The following RTTN variants were observed in gnomAD, a reference collection of about 807,000 sequenced individuals.
RTTN encodes the protein rotatin.
RTTN carries 182 observed loss-of-function variants against 269.2 expected under a neutral mutation model. The ratio of observed to expected loss-of-function variants is 0.68; its 90% CI spans 0.60 to 0.76. The LOEUF (loss-of-function observed/expected upper bound fraction) is 0.76, where lower values mean the gene tolerates loss of function less well. Among genes scored for constraint, RTTN ranks in the 30% least tolerant of loss-of-function variants. RTTN has a pLI of 0.00. For synonymous variants in RTTN, 1,006 were observed against 963.5 expected, an observed-to-expected ratio of 1.04 and a Z score of -0.82; for missense variants, 2,545 against 2,608.6, an observed-to-expected ratio of 0.98 and a Z score of 0.53.
chr18:70,124,369 A>T (rs1354931048), intron 25 of RTTN, among the ~76,000 whole-genome samples: 1 of 152,078 alleles, frequency 6.6e-6, no homozygotes, highest in Non-Finnish European at 1.5e-5. Context: ...AATGTAATAA[A>T]CCCAAGGCAC....
Position 70,109,706 on chromosome 18 carries a change from T to A in RTTN, c.3695A>T (p.Glu1232Val), listed in dbSNP as rs768255884. 1.9e-6 allele frequency: 3 copies of A among 1,613,792 alleles called. No individual in the cohort carries two copies. Among genetic ancestry groups the A allele is most frequent in the Non-Finnish European group, 2.5e-6 (3 of 1,179,930 alleles). The change falls in exon 28 of 49, where the codon GAA becomes GTA. Residue 1232 changes from glutamate (E) to valine (V), a missense_variant. Transcript: ENST00000640769. ...CTGCGTTTGAAAAACGTAAAGAAGT[T>A]CCGAGCATTTCCTATGTATGCAAAA... ...FMEVTDRKCS[E>V]LLYVFQTQLA... is the part of the protein sequence containing the mutation.
chr18:70,004,030 G>C lies in RTTN; in HGVS notation c.*121C>G, dbSNP rs553354025. The C allele has an allele frequency of 1.6e-4, 109 of 661,236 alleles. No individual in the cohort carries two copies. The African/African-American group carries it at 1.8e-3, about 11-fold the overall frequency. 41.0% of individuals were successfully genotyped at this position (661,236 alleles called of 1,614,324 possible). A position where few individuals can be genotyped will look rare whatever the true frequency, so the allele number is the denominator to read the frequency against. The stretch of plus-strand genomic sequence containing the variant: ...AGTTCTCTCTCTCATGGGAAAGAAG[G>C]GGATCAACACTTTGTAGAGAGGTAG... On this transcript the variant is annotated 3_prime_UTR_variant, in exon 49 of 49. Coordinates refer to ENST00000640769, the MANE Select transcript of RTTN (RefSeq NM_173630.4).
At chr18:70,016,409 TG>T (rs2056539363) in intron 46 of RTTN, among the ~76,000 whole-genome samples, 1 of 151,932 alleles carries the variant, frequency 6.6e-6, no homozygotes. Flanking sequence ...CCAAGAAGAG[TG>T]GGCTTCTTTT....
intron 14 of RTTN, 121 bp from the exon 15 acceptor site, chr18:70,150,854 T>A: frequency 1.5e-6 from 1 of 673,432 alleles, no homozygotes. Context: ...AAACTTTTTT[T>A]AACAAGACAG....
chr18:70,097,764 A>T (rs181343341), intron 28 of RTTN, among the ~76,000 whole-genome samples: 1 of 152,330 alleles, frequency 6.6e-6, no homozygotes, highest in East Asian at 1.9e-4. Flanking sequence ...CTTTTTGCCT[A>T]CACTTCTTAC....
intron 14 of RTTN, among the ~76,000 whole-genome samples, chr18:70,162,749 G>A (rs1406587208): frequency 6.6e-6 from 1 of 151,830 alleles, no homozygotes; most frequent in Non-Finnish European, 1.5e-5. Context: ...ATCAGAGGGT[G>A]AGGATCAAAA....
Position 70,005,200 on chromosome 18 carries a change from T to G in RTTN, c.6593A>C (p.Lys2198Thr). The G allele has an allele frequency of 6.2e-7, 1 of 1,606,440 alleles. No homozygotes were observed. The change falls in exon 48 of 49, where the codon AAA becomes ACA. Residue 2198 changes from lysine (K) to threonine (T), a missense_variant and splice_region_variant. By Grantham distance (78) the Lys-to-Thr change is moderately conservative (BLOSUM62 -1). Coordinates refer to ENST00000640769, the MANE Select transcript of RTTN (RefSeq NM_173630.4). ...ATCTCTTTCTTATTGCAACTTACTT[T>G]TCTTTGCTAAGGAGTATGCTTCATC... ...RVDEAYSLAKKTFPNSEANPL... is the reference protein window; with the variant it reads ...RVDEAYSLAKTTFPNSEANPL...
Position 70,059,879 on chromosome 18 carries a change from T to C in RTTN, c.4911A>G (p.Arg1637=). 1.2e-6 allele frequency: 2 copies of C among 1,610,580 alleles called. No individual in the cohort carries two copies. The highest frequency in any genetic ancestry group is 1.3e-5 in the African/African-American group (1 of 74,892). ...IAPRDTAKAF[R]QAHLIELLCS... is the part of the protein sequence containing the mutation. ...AGAGAAGTTCTATGAGATGAGCTTG[T>C]CGAAAAGCCTTTGCAGTGTCTCTGG... Residue 1637 remains arginine (R), a synonymous_variant, in exon 36 of 49, where the codon CGA becomes CGG. Coordinates refer to ENST00000640769, the MANE Select transcript of RTTN (RefSeq NM_173630.4).
At chr18:70,177,033 T>A (rs1351550492) in intron 10 of RTTN, among the ~76,000 whole-genome samples, 188 bp from the exon 11 acceptor site, 1 of 152,236 alleles carries the variant, frequency 6.6e-6, no homozygotes, top group African/African-American at 2.4e-5. Context: ...AAAAGAATGA[T>A]AAACCACCTA....
chr18:70,115,593 TACAGATGGGA>T (rs1477437684), intron 26 of RTTN, among the ~76,000 whole-genome samples: 1 of 151,938 alleles, frequency 6.6e-6, no homozygotes, highest in African/African-American at 2.4e-5. Flanking sequence ...ATTCCTGTTT[TACAGATGGGA>T]ACATAGATTT....
rs749882897 is a variant in RTTN, at chr18:70,142,273, C to T, written c.2581+15G>A. ...TATCAGCAGTACAGCAATCATTTCCCTTAAAAGACATTACCTTGCATAATC... is the reference window on the plus strand; with the variant it reads ...TATCAGCAGTACAGCAATCATTTCCTTTAAAAGACATTACCTTGCATAATC... On this transcript the variant is annotated intron_variant, in intron 19 of 48. Transcript: ENST00000640769. The T allele has an allele frequency of 6.6e-6, 10 of 1,522,726 alleles. No homozygotes were observed. The highest frequency in any genetic ancestry group is 8.2e-6 in the Non-Finnish European group (9 of 1,100,340). The allele number at this position is 1,522,726 out of a possible 1,614,324, so 94.3% of individuals were successfully genotyped here.
chr18:70,199,696 A>G (rs139354893), intron 4 of RTTN, among the ~76,000 whole-genome samples, 192 bp from the exon 5 acceptor site: 1,875 of 152,352 alleles, frequency 0.012, 23 homozygotes, highest in South Asian at 0.037. Flanking sequence ...TTCTCTTTTC[A>G]TAATTTAAAC....
chr18:70,006,529 G>T, intron 46 of RTTN, 45 bp from the exon 47 acceptor site: 2 of 1,392,672 alleles, frequency 1.4e-6, no homozygotes, highest in Non-Finnish European at 2.0e-6. Flanking sequence ...CCCAGACACT[G>T]CATTGTATTC....
chr18:70,101,544 T>A (rs2059166618), intron 28 of RTTN, among the ~76,000 whole-genome samples: 1 of 152,094 alleles, frequency 6.6e-6, no homozygotes, highest in Non-Finnish European at 1.5e-5. Context: ...GATTCACCAA[T>A]TTTTTTTAAG....
intron 28 of RTTN, among the ~76,000 whole-genome samples, chr18:70,102,972 G>A (rs1453054327): frequency 1.3e-5 from 2 of 150,756 alleles, no homozygotes; most frequent in East Asian, 4.0e-4. Flanking sequence ...CTGCCCAGCT[G>A]TCCAGTCTGG....
intron 14 of RTTN, 54 bp downstream of exon 14, chr18:70,166,008 G>C: frequency 6.3e-7 from 1 of 1,576,890 alleles, no homozygotes; most frequent in South Asian, 1.1e-5. Flanking sequence ...GGTATAACAA[G>C]AGAGTCTACT....
At chr18:70,032,407 CCTT>C (rs1331942219) in intron 40 of RTTN, among the ~76,000 whole-genome samples, 2 of 152,190 alleles carry the variant, frequency 1.3e-5, no homozygotes, top group African/African-American at 2.4e-5. Flanking sequence ...ACTGCAGCCT[CCTT>C]CATGCCGCCT....
At position 70,059,871 on chromosome 18, in the gene RTTN, T is replaced by C; in HGVS notation, c.4919A>G (p.His1640Arg). The C allele has an allele frequency of 2.5e-6, 4 of 1,609,514 alleles. 1 individual carries two copies. Among genetic ancestry groups the C allele is most frequent in the South Asian group, 2.2e-5 (2 of 90,322 alleles). The part of the protein sequence containing the change: ...RDTAKAFRQA[H>R]LIELLCSIAD... Reference sequence around the variant, plus strand: ...TTACCTACAGAGAAGTTCTATGAGATGAGCTTGTCGAAAAGCCTTTGCAGT... The same window carrying C: ...TTACCTACAGAGAAGTTCTATGAGACGAGCTTGTCGAAAAGCCTTTGCAGT... The change falls in exon 36 of 49, where the codon CAT becomes CGT. Residue 1640 changes from histidine (H) to arginine (R), a missense_variant. By Grantham distance (29) the His-to-Arg change is conservative. Coordinates refer to ENST00000640769, the MANE Select transcript of RTTN (RefSeq NM_173630.4).
intron 40 of RTTN, among the ~76,000 whole-genome samples, chr18:70,043,923 G>A (rs2057416703): frequency 6.6e-6 from 1 of 152,204 alleles, no homozygotes; most frequent in Non-Finnish European, 1.5e-5. Flanking sequence ...GAGGCAGCAA[G>A]GCTGAGAATA....
Sources: gnomAD v4.1 joint callset for allele counts (sites outside exome capture counted in the v4.1 genomes callset) on GRCh38, gnomAD v4.1.1 for gene constraint, MANE v1.5 for transcripts, NCBI Gene and HGNC (gene_info 2026-07-23, HGNC 2026-07-21) for gene names.